DPYD: variants seen among roughly 807,000 people sequenced by gnomAD.
DPYD encodes dihydropyrimidine dehydrogenase.
Under a neutral mutation model 116.2 loss-of-function variants are expected in DPYD, and 109 were observed. The ratio of observed to expected loss-of-function variants is 0.94; its 90% CI spans 0.80 to 1.10. DPYD has a LOEUF of 1.10. DPYD is among the 50% of genes least tolerant of loss of function. DPYD has a pLI of 0.00. For synonymous variants in DPYD, 440 were observed against 432.0 expected, an observed-to-expected ratio of 1.02 and a Z score of -0.23; for missense variants, 1,302 against 1,254.5, an observed-to-expected ratio of 1.04 and a Z score of -0.57.
chr1:97,444,687 A>T (rs1226252648), intron 14 of DPYD, among the ~76,000 whole-genome samples: 6 of 152,164 alleles, frequency 3.9e-5, no homozygotes, highest in African/African-American at 1.4e-4. Flanking sequence ...ATTGAACAGA[A>T]TAGGGCCTAA....
intron 14 of DPYD, among the ~76,000 whole-genome samples, chr1:97,432,641 C>A (rs1317778194): frequency 6.6e-6 from 1 of 151,544 alleles, no homozygotes; most frequent in Non-Finnish European, 1.5e-5. Context: ...CACTTTTTTT[C>A]CCTCATGTCT....
chr1:97,726,808 A>AATC (rs1557912422), intron 4 of DPYD, among the ~76,000 whole-genome samples: 3 of 151,608 alleles, frequency 2.0e-5, no homozygotes, highest in Non-Finnish European at 3.0e-5. Flanking sequence ...TAGCTTCAAG[A>AATC]TTGCACATAA....
intron 12 of DPYD, among the ~76,000 whole-genome samples, chr1:97,543,925 C>T (rs1296021844): frequency 6.6e-6 from 1 of 152,120 alleles, no homozygotes; most frequent in African/African-American, 2.4e-5. Flanking sequence ...AAAGCCAATC[C>T]TGAAGGACAA....
chr1:97,649,179 C>G (rs1053624285), intron 8 of DPYD, among the ~76,000 whole-genome samples: 1 of 152,076 alleles, frequency 6.6e-6, no homozygotes, highest in South Asian at 2.1e-4. Flanking sequence ...ATTGAGGAAG[C>G]AATTTTTAGT....
intron 5 of DPYD, among the ~76,000 whole-genome samples, chr1:97,702,148 T>G (rs972810489): frequency 6.6e-6 from 1 of 151,688 alleles, no homozygotes; most frequent in African/African-American, 2.4e-5. Flanking sequence ...GGTAGTTTTA[T>G]ATGATCATTA....
At chr1:97,086,444 G>A (rs895480724) in intron 21 of DPYD, among the ~76,000 whole-genome samples, 15 of 151,326 alleles carry the variant, frequency 9.9e-5, no homozygotes, top group African/African-American at 2.7e-4. Context: ...CCCTGATTCC[G>A]TCCCTGATGT....
intron 16 of DPYD, among the ~76,000 whole-genome samples, chr1:97,360,103 G>A (rs1176283704): frequency 6.6e-6 from 1 of 151,970 alleles, no homozygotes; most frequent in African/African-American, 2.4e-5. Context: ...TAAAGGGATG[G>A]AGGAAGATCT....
intron 13 of DPYD, among the ~76,000 whole-genome samples, chr1:97,463,296 A>T (rs1197406268): frequency 1.3e-5 from 2 of 152,152 alleles, no homozygotes; most frequent in African/African-American, 4.8e-5. Flanking sequence ...TGATGGTTTT[A>T]TAAAGAGGAG....
intron 8 of DPYD, among the ~76,000 whole-genome samples, chr1:97,641,018 G>T (rs924049616): frequency 2.0e-5 from 3 of 152,128 alleles, no homozygotes; most frequent in Non-Finnish European, 2.9e-5. Context: ...TTTGAAAAGG[G>T]AGCCATAGGC....
At chr1:97,857,735 A>G (rs1310802538) in intron 2 of DPYD, among the ~76,000 whole-genome samples, 1 of 152,140 alleles carries the variant, frequency 6.6e-6, no homozygotes, top group Non-Finnish European at 1.5e-5. Flanking sequence ...GAGCTGCTTC[A>G]ACAAATTAGT....
chr1:97,384,434 C>T lies in DPYD; in HGVS notation c.1906-1973G>A, dbSNP rs538457479. ...AAAGCTGGAGCTGCTCTGCATTAGT[C>T]ATCATCTATCTACAGTAACTAGCAT... On this transcript the variant is annotated intron_variant, in intron 14 of 22. Transcript: ENST00000370192. Among the ~76,000 whole-genome samples, 14 of 151,928 alleles carry T rather than the reference C, an allele frequency of 9.2e-5. No homozygotes were observed. The South Asian group carries it at 2.5e-3, about 27-fold the overall frequency.
chr1:97,593,981 A>C (rs186465930), intron 9 of DPYD, among the ~76,000 whole-genome samples: 1 of 152,282 alleles, frequency 6.6e-6, no homozygotes, highest in Admixed American at 6.5e-5. Context: ...TTTGTTTGTG[A>C]AACTGGGCAG....
intron 2 of DPYD, among the ~76,000 whole-genome samples, chr1:97,860,074 G>A (rs1671044447): frequency 6.6e-6 from 1 of 152,148 alleles, no homozygotes; most frequent in Non-Finnish European, 1.5e-5. Context: ...TGGGTGCGGT[G>A]GCTCACGGCT....
At chr1:97,793,815 T>A (rs1158884794) in intron 3 of DPYD, among the ~76,000 whole-genome samples, 1 of 152,160 alleles carries the variant, frequency 6.6e-6, no homozygotes, top group Non-Finnish European at 1.5e-5. Context: ...GACAAAGATT[T>A]TTTTAGATAT....
At chr1:97,451,683 G>A (rs1341713928) in intron 13 of DPYD, among the ~76,000 whole-genome samples, 5 of 152,124 alleles carry the variant, frequency 3.3e-5, no homozygotes, top group South Asian at 2.1e-4. Flanking sequence ...CTTGGCAAAC[G>A]CTTAAATGTA....
intron 14 of DPYD, among the ~76,000 whole-genome samples, chr1:97,416,295 T>C (rs1674285639): frequency 1.3e-5 from 2 of 152,212 alleles, no homozygotes; most frequent in Admixed American, 1.3e-4. Flanking sequence ...ATTCATGTAA[T>C]GTAGTACAGA....
At chr1:97,138,926 T>G (rs1187685968) in intron 20 of DPYD, among the ~76,000 whole-genome samples, 2 of 152,168 alleles carry the variant, frequency 1.3e-5, no homozygotes, top group Non-Finnish European at 2.9e-5. Context: ...CTTGGGTAGA[T>G]GTATTCCACC....
intron 18 of DPYD, among the ~76,000 whole-genome samples, chr1:97,274,022 G>T (rs924415919): frequency 7.9e-5 from 12 of 152,090 alleles, no homozygotes; most frequent in African/African-American, 2.7e-4. Flanking sequence ...CACAGCCTGT[G>T]AATTATTCTT....
intron 11 of DPYD, among the ~76,000 whole-genome samples, chr1:97,550,759 G>A (rs1360666543): frequency 1.3e-5 from 2 of 152,188 alleles, no homozygotes; most frequent in African/African-American, 2.4e-5. Context: ...AGAGAGCTTG[G>A]GAGATTTTGG....
Sources: allele counts gnomAD v4.1 joint callset (sites outside exome capture counted in the v4.1 genomes callset), GRCh38; gene constraint gnomAD v4.1.1; transcripts MANE v1.5; gene names NCBI Gene and HGNC (gene_info 2026-07-23, HGNC 2026-07-21).